Variants in DDX31 observed in about 807,000 individuals in gnomAD.
DDX31 encodes DEAD-box helicase 31, also known as ATP-dependent DNA helicase DDX31.
A neutral mutation model predicts 91.3 loss-of-function variants in DDX31; 70 were observed. That is an observed-to-expected ratio of 0.77 (90% CI 0.63 to 0.94). The LOEUF is 0.94. Ranked by LOEUF, DDX31 falls within the 40% of genes least tolerant of loss-of-function variation. DDX31 has a pLI of 0.00. For missense variants in DDX31, 902 were observed against 925.0 expected, an observed-to-expected ratio of 0.98 and a Z score of 0.32; for synonymous variants, 362 against 350.6, an observed-to-expected ratio of 1.03 and a Z score of -0.36.
chr9:132,654,168 G>T (rs960225028), intron 6 of DDX31, among the ~76,000 whole-genome samples: 3 of 152,070 alleles, frequency 2.0e-5, no homozygotes, highest in Admixed American at 2.0e-4. Flanking sequence ...TATTACCTAA[G>T]AATTTTAAAT....
At chr9:132,622,297 C>T (rs1191529126) in intron 17 of DDX31, among the ~76,000 whole-genome samples, 1 of 152,158 alleles carries the variant, frequency 6.6e-6, no homozygotes, top group African/African-American at 2.4e-5. Flanking sequence ...GGCTCTTACT[C>T]ATGAAGTTAG....
chr9:132,646,907 T>C lies in DDX31; in HGVS notation c.1119A>G (p.Pro373=), dbSNP rs757121402. ...AGDKLDSFAI[P]ESLKQHVTVV... ...CAGTCACATGCTGCTTGAGACTCTC[T>C]GGTATTGCAAAGCTGTCCAGCTTGT... is the stretch of plus-strand genomic sequence containing the variant. Residue 373 remains proline, a synonymous_variant, in exon 12 of 20, where the codon CCA becomes CCG. Coordinates refer to ENST00000372159, the MANE Select transcript of DDX31 (RefSeq NM_022779.9). The C allele has an allele frequency of 7.4e-6, 12 of 1,614,208 alleles. No individual in the cohort carries two copies. Among genetic ancestry groups the C allele is most frequent in the Non-Finnish European group, 8.5e-6 (10 of 1,180,036 alleles).
At chr9:132,662,779 A>G (rs926598274) in intron 1 of DDX31, 84 bp from the exon 2 acceptor site, 34 of 1,562,270 alleles carry the variant, frequency 2.2e-5, no homozygotes, top group Non-Finnish European at 2.8e-5. Context: ...GACTGCCCAC[A>G]GAATTGCATC....
chr9:132,645,416 C>A (rs573568034), intron 13 of DDX31, among the ~76,000 whole-genome samples: 1 of 152,326 alleles, frequency 6.6e-6, no homozygotes, highest in South Asian at 2.1e-4. Context: ...GAGTGCAGCG[C>A]TGTGTCTTGT....
intron 14 of DDX31, among the ~76,000 whole-genome samples, chr9:132,636,177 C>G (rs796777019): frequency 6.6e-5 from 10 of 152,288 alleles, no homozygotes; most frequent in African/African-American, 2.4e-4. Flanking sequence ...AAAAGTGTGT[C>G]AACCACCCAC....
intron 17 of DDX31, among the ~76,000 whole-genome samples, chr9:132,623,968 C>T (rs773464011): frequency 3.9e-5 from 6 of 151,962 alleles, no homozygotes; most frequent in Non-Finnish European, 8.8e-5. Context: ...AGTTCGAGAC[C>T]AGCCTGACCA....
intron 15 of DDX31, among the ~76,000 whole-genome samples, 191 bp from the exon 16 acceptor site, chr9:132,630,594 G>A (rs1381558539): frequency 6.6e-6 from 1 of 152,158 alleles, no homozygotes; most frequent in Non-Finnish European, 1.5e-5. Context: ...ACAAGGCTCC[G>A]ACAAGCAAAT....
chr9:132,631,999 T>C, intron 15 of DDX31, 42 bp downstream of exon 15: 1 of 1,567,712 alleles, frequency 6.4e-7, no homozygotes, highest in Non-Finnish European at 8.7e-7. Flanking sequence ...CATGATCATA[T>C]ATTCCTGCCT....
In DDX31 at chr9:132,630,447, C is replaced by T. The variant is rs201397560; in HGVS notation, c.1492-44G>A. 5 of 1,543,210 alleles carry T rather than the reference C, an allele frequency of 3.2e-6. No homozygotes were observed. The African/African-American group carries it at 4.1e-5, about 13-fold the overall frequency. On this transcript the variant is annotated intron_variant, in intron 15 of 19. Coordinates refer to ENST00000372159, the MANE Select transcript of DDX31 (RefSeq NM_022779.9). ...ATGAAGGCATTCATAGATCAAGGGA[C>T]TGCCATTAATTGGAAGTGCAATACT...
At chr9:132,628,221 A>G (rs1283684857) in intron 16 of DDX31, among the ~76,000 whole-genome samples, 2 of 152,186 alleles carry the variant, frequency 1.3e-5, no homozygotes, top group African/African-American at 4.8e-5. Flanking sequence ...GCCCCTCACA[A>G]GTGAGTTTTC....
intron 16 of DDX31, among the ~76,000 whole-genome samples, chr9:132,629,446 G>A (rs929677237): frequency 6.6e-6 from 1 of 152,236 alleles, no homozygotes; most frequent in Non-Finnish European, 1.5e-5. Flanking sequence ...AGAGTTCTGC[G>A]GATGGGAGAC....
At chr9:132,647,167 T>C in intron 11 of DDX31, 109 bp from the exon 12 acceptor site, 1 of 970,364 alleles carries the variant, frequency 1.0e-6, no homozygotes, top group Non-Finnish European at 1.6e-6. Context: ...ACTACGTATG[T>C]TACCCCATGG....
At chr9:132,647,612 A>AC (rs750968431) in intron 11 of DDX31, among the ~76,000 whole-genome samples, 3 of 152,118 alleles carry the variant, frequency 2.0e-5, no homozygotes, top group Admixed American at 6.5e-5. Context: ...AATCAAGGAA[A>AC]CCAGACAGAA....
intron 19 of DDX31, among the ~76,000 whole-genome samples, chr9:132,606,885 G>A (rs1831057838): frequency 1.3e-5 from 2 of 152,154 alleles, no homozygotes; most frequent in Non-Finnish European, 2.9e-5. Context: ...GCTCTTCCCA[G>A]GTATTAAACA....
At chr9:132,601,794 T>C (rs543309533) in intron 19 of DDX31, among the ~76,000 whole-genome samples, 1 of 152,182 alleles carries the variant, frequency 6.6e-6, no homozygotes, top group African/African-American at 2.4e-5. Context: ...TGAGCAGGGG[T>C]CCTGGCACAA....
At chr9:132,615,101 G>C (rs775481912) in intron 18 of DDX31, among the ~76,000 whole-genome samples, 2 of 152,144 alleles carry the variant, frequency 1.3e-5, no homozygotes, top group Non-Finnish European at 2.9e-5. Flanking sequence ...TTGGGGTGAC[G>C]GATGAAGCTA....
Position 132,594,482 on chromosome 9 carries a change from A to T in DDX31, c.*384T>A, listed in dbSNP as rs1830334295. ...TGATAGGCTGAAGCCAAGCTGTGAA[A>T]CTTCAGAACACAGTTAAGGGCAGCA... On this transcript the variant is annotated 3_prime_UTR_variant, in exon 20 of 20. Coordinates refer to ENST00000372159, the MANE Select transcript of DDX31 (RefSeq NM_022779.9). 5.6e-6 allele frequency: 1 copy of T among 180,164 alleles called. No homozygotes were observed. The highest frequency in any genetic ancestry group is 1.5e-4 in the South Asian group (1 of 6,870). The allele number at this position is 180,164 out of a possible 1,614,324, so 11.2% of individuals were successfully genotyped here.
chr9:132,599,033 T>C (rs186449522), intron 19 of DDX31, among the ~76,000 whole-genome samples: 86 of 152,324 alleles, frequency 5.6e-4, no homozygotes, highest in Admixed American at 2.9e-3. Flanking sequence ...ATGACCACAA[T>C]GGCGCCCTTC....
chr9:132,596,990 C>CAT (rs10623433), intron 19 of DDX31, among the ~76,000 whole-genome samples: 121,215 of 151,920 alleles, frequency 0.8, 48,949 homozygotes, highest in African/African-American at 0.92. Context: ...GAATGGCACT[C>CAT]AGGTGTGAGG....
Sources: gnomAD v4.1 joint callset for allele counts (sites outside exome capture counted in the v4.1 genomes callset) on GRCh38, gnomAD v4.1.1 for gene constraint, MANE v1.5 for transcripts, NCBI Gene and HGNC (gene_info 2026-07-23, HGNC 2026-07-21) for gene names.